Variants in XPA observed in about 807,000 individuals in gnomAD.
The protein encoded by XPA is XPA, DNA damage recognition and repair factor, also known as DNA repair protein complementing XP-A cells.
A neutral mutation model predicts 35.7 loss-of-function variants in XPA; 27 were observed. The observed-to-expected ratio is 0.76, with a 90% CI of 0.56 to 1.04. XPA has a LOEUF of 1.04. Ranked by LOEUF, XPA falls within the 50% of genes least tolerant of loss-of-function variation. The pLI is 0.00. For synonymous variants in XPA, 133 were observed against 118.4 expected (o/e 1.12, Z -0.80); for missense variants, 354 against 342.7 (o/e 1.03, Z -0.26).
intron 1 of XPA, 145 bp from the exon 2 acceptor site, chr9:97,693,904 C>T (rs1266232291): frequency 5.1e-6 from 4 of 789,000 alleles, no homozygotes; most frequent in African/African-American, 3.5e-5. Context: ...CAACATTATA[C>T]TGAAGGTCCC....
At chr9:97,670,292 A>G (rs1341225911), downstream of XPA, among the ~76,000 whole-genome samples, 1 of 152,228 alleles carries the variant, frequency 6.6e-6, no homozygotes, top group African/African-American at 2.4e-5. Flanking sequence ...TCAAGAGGAC[A>G]GTAATTGGAT....
chr9:97,654,773 CATT>C, the XPA span: 14 of 951,046 alleles, frequency 1.5e-5, no homozygotes, highest in East Asian at 2.6e-5. Context: ...AGATGTTCAG[CATT>C]ATTAATCATT....
intron 5 of XPA, 86 bp from the exon 6 acceptor site, chr9:97,675,673 T>C: frequency 6.8e-7 from 1 of 1,477,796 alleles, no homozygotes; most frequent in Non-Finnish European, 9.4e-7. Flanking sequence ...TTCAGCCATG[T>C]ACATGTGTGT....
rs1201856123 is a variant in XPA at position 97,678,321 on chromosome 9, A to T, written c.674-2734T>A. On this transcript the variant is annotated intron_variant, in intron 5 of 5. Transcript: ENST00000375128. ...GAGGCTGAGACAGGAGAATCGCATG[A>T]ACCCGGGAGGTGAAGGTTGCAGTGA... Among the ~76,000 whole-genome samples the T allele has an allele frequency of 1.3e-5, 2 of 152,182 alleles. 1 individual carries two copies. Among genetic ancestry groups the T allele is most frequent in the Non-Finnish European group, 2.9e-5 (2 of 68,028 alleles).
At chr9:97,656,772 T>C in the XPA span, among the ~76,000 whole-genome samples, 1 of 152,166 alleles carries the variant, frequency 6.6e-6, no homozygotes, top group Non-Finnish European at 1.5e-5. Context: ...GCTGATGTAA[T>C]GGCCCATTAT....
chr9:97,684,478 CT>C (rs1195906392), intron 5 of XPA, among the ~76,000 whole-genome samples: 1 of 152,196 alleles, frequency 6.6e-6, no homozygotes, highest in East Asian at 1.9e-4. Flanking sequence ...CTTTCTGGGT[CT>C]TTTGGTCATA....
intron 3 of XPA, 147 bp from the exon 4 acceptor site, chr9:97,687,408 A>G: frequency 1.6e-6 from 1 of 633,412 alleles, no homozygotes; most frequent in South Asian, 2.8e-5. Flanking sequence ...TAGCAACATA[A>G]GAATTCTAAC....
intron 5 of XPA, among the ~76,000 whole-genome samples, chr9:97,680,209 ATTGTTTT>A (rs1378041022): frequency 6.6e-6 from 1 of 152,072 alleles, no homozygotes; most frequent in Non-Finnish European, 1.5e-5. Context: ...GAAGAACACC[ATTGTTTT>A]TTGTTTTTTG....
intron 5 of XPA, among the ~76,000 whole-genome samples, chr9:97,677,775 C>G (rs1828413678): frequency 6.6e-6 from 1 of 151,286 alleles, no homozygotes; most frequent in Non-Finnish European, 1.5e-5. Flanking sequence ...CCTTCTTTCC[C>G]TTTCTGAACA....
chr9:97,678,268 G>A (rs1406341225), intron 5 of XPA, among the ~76,000 whole-genome samples: 1 of 152,098 alleles, frequency 6.6e-6, no homozygotes, highest in Non-Finnish European at 1.5e-5. Context: ...GGACATGGTG[G>A]CATATGCCTG....
intron 1 of XPA, 110 bp from the exon 2 acceptor site, chr9:97,693,869 G>C (rs1828965251): frequency 1.0e-6 from 1 of 987,518 alleles, no homozygotes; most frequent in East Asian, 2.6e-5. Context: ...ACAACACAAG[G>C]ATGTCCACAA....
chr9:97,691,886 AATATATATAT>A (rs55944336), intron 2 of XPA, among the ~76,000 whole-genome samples: 37 of 124,670 alleles, frequency 3.0e-4, no homozygotes, highest in Admixed American at 1.2e-3. Flanking sequence ...TTTCTAAATA[AATATATATAT>A]ATATATATAT....
Position 97,693,679 on chromosome 9 carries a change from GTTC to G in XPA, c.250_252del (p.Glu84del), listed in dbSNP as rs3176652. On this transcript the variant is annotated inframe_deletion, in exon 2 of 6. Transcript: ENST00000375128. ...TGATGAACAACTTTTCCAATTTTCT[GTTC>G]TTCTTCTTCTTCCTCTTCTAAAATG... The G allele has an allele frequency of 5.0e-5, 80 of 1,613,030 alleles. No individual in the cohort carries two copies. The highest frequency in any genetic ancestry group is 1.7e-4 in the Middle Eastern group (1 of 6,052).
At chr9:97,661,821 G>A in the XPA span, among the ~76,000 whole-genome samples, 1 of 142,268 alleles carries the variant, frequency 7.0e-6, no homozygotes, top group African/African-American at 2.6e-5. Context: ...ATGGATGATA[G>A]AATTAAGACA....
the XPA span, chr9:97,661,013 T>C: frequency 6.2e-7 from 1 of 1,612,998 alleles, no homozygotes; most frequent in South Asian, 1.1e-5. Context: ...CAACCAATGA[T>C]GAAATCTTCA....
At chr9:97,670,235 T>C (rs1235655001), downstream of XPA, among the ~76,000 whole-genome samples, 1 of 152,196 alleles carries the variant, frequency 6.6e-6, no homozygotes, top group Non-Finnish European at 1.5e-5. Context: ...TGTCATTTTC[T>C]ATGCTGGGGA....
At chr9:97,686,724 C>T (rs1828726741) in intron 4 of XPA, among the ~76,000 whole-genome samples, 1 of 151,900 alleles carries the variant, frequency 6.6e-6, no homozygotes, top group African/African-American at 2.4e-5. Flanking sequence ...CCCTGGAGTT[C>T]GAGACCAGCC....
chr9:97,688,064 A>G (rs1252875653), intron 3 of XPA, among the ~76,000 whole-genome samples: 1 of 152,218 alleles, frequency 6.6e-6, no homozygotes, highest in South Asian at 2.1e-4. Flanking sequence ...AACTAACAGG[A>G]GACATGTAGA....
the XPA span, among the ~76,000 whole-genome samples, chr9:97,657,920 ATATATATTT>A: frequency 9.5e-6 from 1 of 105,414 alleles, no homozygotes; most frequent in South Asian, 2.8e-4. Context: ...ATATATATAT[ATATATATTT>A]TTTTTTTTTT....
Sources: allele counts gnomAD v4.1 joint callset (sites outside exome capture counted in the v4.1 genomes callset), GRCh38; gene constraint gnomAD v4.1.1; transcripts MANE v1.5; gene names NCBI Gene and HGNC (gene_info 2026-07-23, HGNC 2026-07-21).